SLC4A4: variants seen among roughly 807,000 people sequenced by gnomAD.
SLC4A4 encodes the protein electrogenic sodium bicarbonate cotransporter 1.
SLC4A4 carries 27 observed loss-of-function variants against 111.5 expected under a neutral mutation model. The observed-to-expected ratio is 0.24, with a 90% CI of 0.18 to 0.33. The LOEUF is 0.33. Ranked by LOEUF, SLC4A4 falls within the 10% of genes least tolerant of loss-of-function variation. The probability of loss-of-function intolerance (pLI) is 1.00; values close to 1 mark genes in which losing one functional copy is unlikely to be tolerated. For synonymous variants in SLC4A4, 443 were observed against 463.4 expected (o/e 0.96, Z 0.57); for missense variants, 909 against 1,315.5 (o/e 0.69, Z 4.78).
At chr4:71,230,696 A>G (rs1348778912) in intron 1 of SLC4A4, among the ~76,000 whole-genome samples, 6 of 152,158 alleles carry the variant, frequency 3.9e-5, no homozygotes, top group Non-Finnish European at 8.8e-5. Context: ...TTTGGGATGG[A>G]ATCAAAAAGC....
intron 7 of SLC4A4, among the ~76,000 whole-genome samples, chr4:71,424,233 T>A (rs1448361681): frequency 6.6e-6 from 1 of 151,804 alleles, no homozygotes; most frequent in Non-Finnish European, 1.5e-5. Context: ...AAAAGACACA[T>A]GAAAAAATGC....
At chr4:71,203,581 G>T (rs1746353515) in intron 1 of SLC4A4, among the ~76,000 whole-genome samples, 2 of 152,128 alleles carry the variant, frequency 1.3e-5, no homozygotes, top group South Asian at 4.1e-4. Flanking sequence ...AGGTTTTTAT[G>T]TGGATTTTAG....
chr4:71,187,601 G>C lies in SLC4A4; in HGVS notation c.-2+200G>C, dbSNP rs1745533757. Reference sequence around the variant, plus strand: ...GCGGTGTGTGGAGGCTGCTTCCGCGGAAAAGTATTTTTTTTCCTTCTTAGG... The same window carrying C: ...GCGGTGTGTGGAGGCTGCTTCCGCGCAAAAGTATTTTTTTTCCTTCTTAGG... On this transcript the variant is annotated intron_variant, in intron 1 of 25. Coordinates refer to ENST00000264485, the MANE Select transcript of SLC4A4 (RefSeq NM_001098484.3). Among the ~76,000 whole-genome samples the C allele has an allele frequency of 5.3e-5, 8 of 152,310 alleles. No homozygotes were observed. In the South Asian group the frequency reaches 1.7e-3, roughly 32 times the overall value.
intron 4 of SLC4A4, among the ~76,000 whole-genome samples, chr4:71,347,737 C>G (rs1340851547): frequency 6.6e-6 from 1 of 151,996 alleles, no homozygotes; most frequent in Non-Finnish European, 1.5e-5. Context: ...AGGCTGTTGG[C>G]AGCTGATAGA....
intron 24 of SLC4A4, among the ~76,000 whole-genome samples, chr4:71,565,042 G>A (rs1737336470): frequency 6.6e-6 from 1 of 151,562 alleles, no homozygotes; most frequent in Admixed American, 6.6e-5. Context: ...ATGAAAGGAT[G>A]ATTTGAAAAT....
At chr4:71,340,275 C>G (rs925488278) in intron 4 of SLC4A4, among the ~76,000 whole-genome samples, 13 of 152,136 alleles carry the variant, frequency 8.5e-5, no homozygotes, top group African/African-American at 3.1e-4. Flanking sequence ...AGGAAAGTTG[C>G]TCTTATGGTA....
chr4:71,088,418 T>A (rs1257133502), intron 1 of SLC4A4, among the ~76,000 whole-genome samples: 4 of 152,058 alleles, frequency 2.6e-5, no homozygotes, highest in African/African-American at 4.8e-5. Flanking sequence ...AAGGTTAATA[T>A]TGTTATGTGT....
intron 6 of SLC4A4, among the ~76,000 whole-genome samples, chr4:71,384,631 G>A (rs1206282296): frequency 2.4e-5 from 3 of 127,010 alleles, no homozygotes; most frequent in Non-Finnish European, 4.7e-5. Context: ...GCAAGACTCC[G>A]TCCCTCCCAC....
chr4:71,190,831 C>G (rs1356890528), intron 1 of SLC4A4, among the ~76,000 whole-genome samples: 1 of 152,178 alleles, frequency 6.6e-6, no homozygotes, highest in Middle Eastern at 3.2e-3. Flanking sequence ...TTCTTCCAAT[C>G]TTCCTAATGA....
At chr4:71,135,248 T>C (rs1743811595) in intron 2 of SLC4A4, among the ~76,000 whole-genome samples, 1 of 152,060 alleles carries the variant, frequency 6.6e-6, no homozygotes, top group African/African-American at 2.4e-5. Flanking sequence ...CTAATTAACA[T>C]ATGTATTACC....
At chr4:71,475,286 CGTTGTTT>C (rs1728262519) in intron 14 of SLC4A4, among the ~76,000 whole-genome samples, 1 of 151,674 alleles carries the variant, frequency 6.6e-6, no homozygotes, top group Non-Finnish European at 1.5e-5. Context: ...AACTTGTGTT[CGTTGTTT>C]TATAATTTGG....
At chr4:71,371,032 C>G (rs189103011) in intron 6 of SLC4A4, among the ~76,000 whole-genome samples, 1 of 152,116 alleles carries the variant, frequency 6.6e-6, no homozygotes, top group Non-Finnish European at 1.5e-5. Flanking sequence ...CTAATACTTA[C>G]TGTATCCATT....
chr4:71,535,809 G>A (rs1734360899), intron 18 of SLC4A4, among the ~76,000 whole-genome samples: 1 of 151,836 alleles, frequency 6.6e-6, no homozygotes, highest in South Asian at 2.1e-4. Context: ...CATAAAGCAC[G>A]AAAACAAGTG....
chr4:71,312,397 A>G (rs1472007959), intron 3 of SLC4A4, among the ~76,000 whole-genome samples: 1 of 152,216 alleles, frequency 6.6e-6, no homozygotes, highest in African/African-American at 2.4e-5. Flanking sequence ...ATAGAAGAAG[A>G]GGGACTCCTC....
intron 7 of SLC4A4, among the ~76,000 whole-genome samples, chr4:71,412,698 G>A (rs1002513805): frequency 1.2e-4 from 18 of 152,144 alleles, no homozygotes; most frequent in Admixed American, 1.1e-3. Context: ...GATGTTAGAT[G>A]TCCTAGCACA....
chr4:71,446,286 ATAAG>A (rs1383916044), intron 8 of SLC4A4, among the ~76,000 whole-genome samples: 6 of 152,182 alleles, frequency 3.9e-5, no homozygotes, highest in Non-Finnish European at 8.8e-5. Context: ...AGGGATATAA[ATAAG>A]TAAGTTAAAA....
At chr4:71,548,320 G>A (rs948521724) in intron 20 of SLC4A4, among the ~76,000 whole-genome samples, 33 of 151,898 alleles carry the variant, frequency 2.2e-4, no homozygotes, top group African/African-American at 7.2e-4. Flanking sequence ...AAAATTATAT[G>A]ATATTGGTTG....
In SLC4A4 at chr4:71,557,807, C is replaced by T. The variant is rs1482256715; in HGVS notation, c.2859C>T (p.Phe953=). 1 of 1,612,608 alleles carries T rather than the reference C, an allele frequency of 6.2e-7. No homozygotes were observed. The highest frequency in any genetic ancestry group is 8.5e-7 in the Non-Finnish European group (1 of 1,179,170). ...TTCCTCTGCGCAGAGTCCACCTGTT[C>T]ACTTTCCTGCAGGTGTTGTGTCTGG... ...RHVPLRRVHL[F]TFLQVLCLAL... Residue 953 remains phenylalanine, a synonymous_variant, in exon 22 of 26, where the codon TTC becomes TTT. Transcript: ENST00000264485.
At chr4:71,508,358 A>G (rs1466563794) in intron 16 of SLC4A4, among the ~76,000 whole-genome samples, 1 of 152,168 alleles carries the variant, frequency 6.6e-6, no homozygotes. Flanking sequence ...TAAAGAAGAT[A>G]AGAGAGAAGA....
Sources: allele counts gnomAD v4.1 joint callset (sites outside exome capture counted in the v4.1 genomes callset), GRCh38; gene constraint gnomAD v4.1.1; transcripts MANE v1.5; gene names NCBI Gene and HGNC (gene_info 2026-07-23, HGNC 2026-07-21).